Variants in AGBL4 observed in about 807,000 individuals in gnomAD.
The protein encoded by AGBL4 is cytosolic carboxypeptidase 6.
In AGBL4, 58 loss-of-function variants were observed where a neutral mutation model predicts 66.4. The ratio of observed to expected loss-of-function variants is 0.87; its 90% confidence interval spans 0.71 to 1.09. AGBL4 has a LOEUF of 1.09. AGBL4 is among the 50% of genes least tolerant of loss of function. The probability of loss-of-function intolerance (pLI) is 0.00; values close to 1 mark genes in which losing one functional copy is unlikely to be tolerated. For synonymous variants in AGBL4, 234 were observed against 222.9 expected (o/e 1.05, Z -0.44); for missense variants, 579 against 631.0 (o/e 0.92, Z 0.88).
At chr1:49,444,400 G>A (rs1275997614) in intron 3 of AGBL4, among the ~76,000 whole-genome samples, 1 of 152,004 alleles carries the variant, frequency 6.6e-6, no homozygotes, top group African/African-American at 2.4e-5. Flanking sequence ...TCTCTCCTTA[G>A]AAGTAGACTT....
chr1:49,509,556 G>C lies in AGBL4; in HGVS notation c.282+187757C>G, dbSNP rs138925095. On this transcript the variant is annotated intron_variant, in intron 3 of 13. Coordinates refer to ENST00000371839, the MANE Select transcript of AGBL4 (RefSeq NM_032785.4). ...AATGCAGCTAGAAATAAGGACACCA[G>C]GGAGGCCTCTAAATACCAAGGTGAA... Among the ~76,000 whole-genome samples, 290 of 151,966 alleles carry C rather than the reference G, an allele frequency of 1.9e-3. 9 individuals are homozygous for C. The East Asian group carries it at 0.049, about 26-fold the overall frequency.
chr1:49,477,231 C>G (rs1050957341), intron 3 of AGBL4, among the ~76,000 whole-genome samples: 7 of 151,988 alleles, frequency 4.6e-5, no homozygotes, highest in Admixed American at 1.3e-4. Flanking sequence ...TAGGTGGTAG[C>G]AAGGTAGTAA....
chr1:48,903,017 C>G (rs1003176340), intron 5 of AGBL4, among the ~76,000 whole-genome samples: 1 of 152,172 alleles, frequency 6.6e-6, no homozygotes, highest in African/African-American at 2.4e-5. Context: ...TGGATCTTCT[C>G]ACCTCCTTGC....
At chr1:49,883,498 A>C (rs149158922) in intron 1 of AGBL4, among the ~76,000 whole-genome samples, 132 of 152,190 alleles carry the variant, frequency 8.7e-4, no homozygotes, top group African/African-American at 3.2e-3. Flanking sequence ...ATGGTTTCTC[A>C]TCAGAAGAGT....
intron 5 of AGBL4, among the ~76,000 whole-genome samples, chr1:49,025,341 A>G (rs1663573526): frequency 2.0e-5 from 3 of 152,134 alleles, no homozygotes; most frequent in African/African-American, 7.2e-5. Flanking sequence ...CTCTGTCTCC[A>G]GCACAGAAAG....
rs1370165803 is a variant in AGBL4, at chr1:49,530,281, A to AAAAAAAAAAAAAAAAAAAT, written c.282+167031_282+167032insATTTTTTTTTTTTTTTTTT. On this transcript the variant is annotated intron_variant, in intron 3 of 13. Transcript: ENST00000371839. ...TTGTAAAAAAAAAAAAACAAAAAAA[A>AAAAAAAAAAAAAAAAAAAT]ACTCTATGAGTTTTTTTTTATTATT... Among the ~76,000 whole-genome samples, 4 of 148,102 alleles carry AAAAAAAAAAAAAAAAAAAT rather than the reference A, an allele frequency of 2.7e-5. 1 individual carries two copies. The highest frequency in any genetic ancestry group is 6.7e-5 in the Admixed American group (1 of 14,872).
intron 4 of AGBL4, among the ~76,000 whole-genome samples, chr1:49,118,605 T>A (rs971034747): frequency 6.6e-6 from 1 of 152,214 alleles, no homozygotes; most frequent in Admixed American, 6.5e-5. Context: ...TTTGTCAGTA[T>A]TTTATTGAGG....
intron 9 of AGBL4, among the ~76,000 whole-genome samples, chr1:48,596,258 G>T (rs942165261): frequency 1.3e-5 from 2 of 152,128 alleles, no homozygotes; most frequent in Non-Finnish European, 2.9e-5. Flanking sequence ...CTGAAGGATT[G>T]TGGGGATCTG....
intron 4 of AGBL4, among the ~76,000 whole-genome samples, chr1:49,129,317 TTTA>T (rs911175867): frequency 6.6e-5 from 10 of 152,104 alleles, no homozygotes; most frequent in Admixed American, 6.6e-4. Flanking sequence ...GTTTTTTCAT[TTTA>T]TTATTATTAT....
chr1:49,456,332 A>C (rs2148690193), intron 3 of AGBL4, among the ~76,000 whole-genome samples: 1 of 151,838 alleles, frequency 6.6e-6, no homozygotes, highest in South Asian at 2.1e-4. Flanking sequence ...ACATTTGATC[A>C]GGATTTTAGA....
intron 1 of AGBL4, among the ~76,000 whole-genome samples, chr1:49,960,807 A>G (rs186597541): frequency 1.3e-5 from 2 of 152,238 alleles, no homozygotes. Flanking sequence ...CATGTAGCTC[A>G]TAAGTAGGTT....
intron 6 of AGBL4, among the ~76,000 whole-genome samples, chr1:48,860,397 G>A (rs776330070): frequency 1.3e-5 from 2 of 152,328 alleles, no homozygotes; most frequent in Non-Finnish European, 2.9e-5. Flanking sequence ...AAAAGGGTAA[G>A]TGGTTCTGGG....
intron 3 of AGBL4, among the ~76,000 whole-genome samples, chr1:49,251,104 T>C (rs1652024892): frequency 6.6e-6 from 1 of 152,176 alleles, no homozygotes; most frequent in African/African-American, 2.4e-5. Flanking sequence ...GTCCCCAGCC[T>C]GGCCACATCT....
chr1:50,002,993 C>T (rs1168049072), intron 1 of AGBL4, among the ~76,000 whole-genome samples: 1 of 152,048 alleles, frequency 6.6e-6, no homozygotes, highest in Non-Finnish European at 1.5e-5. Context: ...AAAGTAAAGT[C>T]CAAGGCCAAA....
intron 3 of AGBL4, among the ~76,000 whole-genome samples, chr1:49,360,580 T>A (rs1406751348): frequency 1.6e-4 from 24 of 152,278 alleles, no homozygotes. Context: ...CATGTAAGTG[T>A]CCATATATAC....
intron 3 of AGBL4, among the ~76,000 whole-genome samples, chr1:49,468,547 T>G (rs1291054796): frequency 6.6e-6 from 1 of 151,908 alleles, no homozygotes. Flanking sequence ...CCAGCTCTTA[T>G]GGATTATCCC....
intron 5 of AGBL4, among the ~76,000 whole-genome samples, chr1:49,044,425 G>T (rs1644024440): frequency 6.6e-6 from 1 of 151,934 alleles, no homozygotes; most frequent in African/African-American, 2.4e-5. Flanking sequence ...GGAGGCAGAG[G>T]TTGCAGTGAG....
At chr1:49,691,652 T>C (rs1264166343) in intron 3 of AGBL4, 1 of 152,196 alleles carries the variant, frequency 6.6e-6, no homozygotes, top group Non-Finnish European at 1.5e-5. Flanking sequence ...ATACAAAATA[T>C]TAATCCTGGG....
chr1:49,936,346 C>G (rs1654015154), intron 1 of AGBL4, among the ~76,000 whole-genome samples: 1 of 151,988 alleles, frequency 6.6e-6, no homozygotes, highest in African/African-American at 2.4e-5. Flanking sequence ...GTGAAAAGAC[C>G]AAATCTGCGT....
Sources: gnomAD v4.1 joint callset for allele counts (sites outside exome capture counted in the v4.1 genomes callset) on GRCh38, gnomAD v4.1.1 for gene constraint, MANE v1.5 for transcripts, NCBI Gene and HGNC (gene_info 2026-07-23, HGNC 2026-07-21) for gene names.